The following NPIPB8 variants were observed in gnomAD, a reference collection of about 807,000 sequenced individuals.
NPIPB8 encodes the protein nuclear pore complex interacting protein family member B8, also known as nuclear pore complex-interacting protein family member B8.
A neutral mutation model predicts 5.3 loss-of-function variants in NPIPB8; 3 were observed. That is an observed-to-expected ratio of 0.57 (90% confidence interval 0.26 to 1.47). NPIPB8 has a LOEUF of 1.47. NPIPB8 is among the 40% of genes most tolerant of loss of function. The probability of loss-of-function intolerance (pLI) is 0.13; values close to 1 mark genes in which losing one functional copy is unlikely to be tolerated. For missense variants in NPIPB8, 50 were observed against 50.2 expected (o/e 1.00, Z 0.01); for synonymous variants, 18 against 23.0 (o/e 0.78, Z 0.62).
intron 2 of NPIPB8, among the ~76,000 whole-genome samples, chr16:28,639,862 A>C (rs1460384488): frequency 6.6e-6 from 1 of 150,416 alleles, no homozygotes; most frequent in Non-Finnish European, 1.5e-5. Flanking sequence ...ATACATATGC[A>C]AATAAGTTTA....
At chr16:28,652,581 A>G (rs2048059286) in intron 5 of NPIPB8, among the ~76,000 whole-genome samples, 1 of 104,994 alleles carries the variant, frequency 9.5e-6, no homozygotes. Flanking sequence ...AGGAGTTGCT[A>G]GTACTGGCAT....
At chr16:28,642,537 T>G (rs2047920050) in intron 2 of NPIPB8, among the ~76,000 whole-genome samples, 1 of 150,926 alleles carries the variant, frequency 6.6e-6, no homozygotes, top group African/African-American at 2.4e-5. Flanking sequence ...TAGGCTGGAG[T>G]GCAGTGGTGC....
Position 28,653,247 on chromosome 16 carries a change from A to G in NPIPB8, c.599+883A>G, listed in dbSNP as rs1229925795. Among the ~76,000 whole-genome samples, 8 of 83,298 alleles carry G rather than the reference A, an allele frequency of 9.6e-5. 2 individuals are homozygous for G. In the South Asian group the frequency reaches 1.7e-3, roughly 18 times the overall value. The allele number at this position is 83,298 out of a possible 152,430, so 54.6% of individuals were successfully genotyped here. ...GCCACCATGCCCGGATAATTTTTGT[A>G]TTCTTAGTAGAGGCATAGACTTAGT... On this transcript the variant is annotated intron_variant, in intron 5 of 7. Coordinates refer to ENST00000683297, the MANE Select transcript of NPIPB8 (RefSeq NM_001310136.2).
chr16:28,639,455 ATTTTTTT>A (rs1181691602), intron 2 of NPIPB8, among the ~76,000 whole-genome samples: 1 of 120,842 alleles, frequency 8.3e-6, no homozygotes, highest in Non-Finnish European at 1.7e-5. Context: ...ATATATATAT[ATTTTTTT>A]TTTTTTTTTT....
intron 5 of NPIPB8, among the ~76,000 whole-genome samples, chr16:28,653,300 G>C (rs2048076239): frequency 1.8e-5 from 1 of 56,338 alleles, no homozygotes; most frequent in Non-Finnish European, 3.3e-5. Flanking sequence ...TATTGGCCAA[G>C]CTGGTCTAGA....
At chr16:28,644,487 C>T (rs1596680797) in intron 2 of NPIPB8, 1 of 215,788 alleles carries the variant, frequency 4.6e-6, no homozygotes, top group Admixed American at 5.5e-5. Flanking sequence ...TCCCCCTCCC[C>T]AACTCAGATC....
At chr16:28,640,746 T>G (rs1386832009) in intron 2 of NPIPB8, among the ~76,000 whole-genome samples, 16 of 152,226 alleles carry the variant, frequency 1.1e-4, no homozygotes, top group Non-Finnish European at 2.1e-4. Flanking sequence ...CCAGCATGAT[T>G]AAACGGAGTA....
At chr16:28,644,441 C>G in intron 2 of NPIPB8, 1 of 16,298 alleles carries the variant, frequency 6.1e-5, no homozygotes, top group Non-Finnish European at 1.3e-4. Context: ...CTCCCCCTCC[C>G]CTCCCCCTCC....
At chr16:28,646,575 A>AT (rs1203583733) in intron 2 of NPIPB8, among the ~76,000 whole-genome samples, 8 of 11,486 alleles carry the variant, frequency 7.0e-4, no homozygotes, top group Admixed American at 2.4e-3. Flanking sequence ...TCTTCATTGT[A>AT]TTTTTTTTTT....
intron 5 of NPIPB8, among the ~76,000 whole-genome samples, chr16:28,652,581 A>T: frequency 9.5e-6 from 1 of 104,966 alleles, no homozygotes; most frequent in African/African-American, 4.4e-5. Flanking sequence ...AGGAGTTGCT[A>T]GTACTGGCAT....
chr16:28,639,192 A>C (rs1235885164), intron 2 of NPIPB8, among the ~76,000 whole-genome samples: 1 of 146,710 alleles, frequency 6.8e-6, no homozygotes. Context: ...ATGTTCTATA[A>C]TTTTGAATAA....
chr16:28,641,464 C>G (rs1294923721), intron 2 of NPIPB8, among the ~76,000 whole-genome samples: 2 of 143,188 alleles, frequency 1.4e-5, no homozygotes, highest in Admixed American at 7.0e-5. Context: ...GACCTGCACC[C>G]TGGGGACCCA....
chr16:28,639,016 C>T (rs1227860992), intron 2 of NPIPB8, among the ~76,000 whole-genome samples: 1 of 149,988 alleles, frequency 6.7e-6, no homozygotes, highest in Non-Finnish European at 1.5e-5. Flanking sequence ...TTTTAGTGGG[C>T]CAAGATCACG....
rs1274606406 is a variant in NPIPB8, at chr16:28,653,233, C to T, written c.599+869C>T. On this transcript the variant is annotated intron_variant, in intron 5 of 7. Coordinates refer to ENST00000683297, the MANE Select transcript of NPIPB8 (RefSeq NM_001310136.2). ...GACTACAGGCATATGCCACCATGCCCGGATAATTTTTGTATTCTTAGTAGA... is the reference window on the plus strand; with the variant it reads ...GACTACAGGCATATGCCACCATGCCTGGATAATTTTTGTATTCTTAGTAGA... Among the ~76,000 whole-genome samples, 7 of 92,248 alleles carry T rather than the reference C, an allele frequency of 7.6e-5. 1 individual carries two copies. Among genetic ancestry groups the T allele is most frequent in the South Asian group, 2.7e-4 (1 of 3,658 alleles). 60.5% of individuals were successfully genotyped at this position (92,248 alleles called of 152,430 possible).
At position 28,638,455 on chromosome 16, in the gene NPIPB8, C is replaced by T; in HGVS notation, c.95C>T (p.Thr32Ile). The T allele has an allele frequency of 1.3e-6, 2 of 1,570,694 alleles. No individual in the cohort carries two copies. Among genetic ancestry groups the T allele is most frequent in the East Asian group, 2.3e-5 (1 of 44,408 alleles). The part of the protein sequence containing the change: ...KELQQHVKSV[T>I]CPCEYLRKVI... Reference sequence around the variant, plus strand: ...CTGCAGCAGCATGTAAAGTCAGTGACATGCCCATGCGAGTACCTGAGGAAG... The same window carrying T: ...CTGCAGCAGCATGTAAAGTCAGTGATATGCCCATGCGAGTACCTGAGGAAG... Residue 32 changes from threonine to isoleucine, a missense_variant, in exon 2 of 8, where the codon ACA (threonine) becomes ATA (isoleucine). Thr to Ile is a moderately conservative substitution (Grantham distance 89). Transcript: ENST00000683297.
chr16:28,644,800 GC>G, intron 2 of NPIPB8: 1 of 391,776 alleles, frequency 2.6e-6, no homozygotes, highest in Non-Finnish European at 4.5e-6. Flanking sequence ...TTGAAGACTA[GC>G]CAGGGCATCA....
chr16:28,645,135 C>T lies in NPIPB8; in HGVS notation c.121-3000C>T, dbSNP rs927226550. 2.7e-4 allele frequency among the ~76,000 whole-genome samples: 36 copies of T among 133,462 alleles called. 2 individuals carry two copies. Among genetic ancestry groups the T allele is most frequent in the Admixed American group, 2.2e-3 (30 of 13,392 alleles). The allele number at this position is 133,462 out of a possible 152,430, so 87.6% of individuals were successfully genotyped here. A position where few individuals can be genotyped will look rare whatever the true frequency, so the allele number is the denominator to read the frequency against. The stretch of plus-strand genomic sequence containing the variant: ...CTCGGCTCACTGCAACCTCCGCTTC[C>T]GGGGTTCAAGCAATTGTCCTGCCCC... On this transcript the variant is annotated intron_variant, in intron 2 of 7. Transcript: ENST00000683297.
chr16:28,639,939 A>G (rs1406926537), intron 2 of NPIPB8, among the ~76,000 whole-genome samples: 2 of 151,038 alleles, frequency 1.3e-5, no homozygotes, highest in Non-Finnish European at 2.9e-5. Context: ...TCATGAAGCT[A>G]CATGGCTAAC....
intron 2 of NPIPB8, among the ~76,000 whole-genome samples, chr16:28,639,918 A>G (rs1332007031): frequency 5.3e-5 from 8 of 150,400 alleles, no homozygotes; most frequent in Non-Finnish European, 1.0e-4. Context: ...AATATTGACA[A>G]TCAGTATGCA....
Sources: allele counts gnomAD v4.1 joint callset (sites outside exome capture counted in the v4.1 genomes callset), GRCh38; gene constraint gnomAD v4.1.1; transcripts MANE v1.5; gene names NCBI Gene and HGNC (gene_info 2026-07-23, HGNC 2026-07-21).